The following PALS1 variants were observed in gnomAD, a reference collection of about 807,000 sequenced individuals.
PALS1 encodes protein PALS1.
PALS1 carries 31 observed loss-of-function variants against 78.9 expected under a neutral mutation model. The ratio of observed to expected loss-of-function variants is 0.39; its 90% CI spans 0.30 to 0.53. PALS1 has a LOEUF of 0.53. PALS1 is among the 20% of genes least tolerant of loss of function. The pLI is 0.67. For missense variants in PALS1, 704 were observed against 826.5 expected, an observed-to-expected ratio of 0.85 and a Z score of 1.82; for synonymous variants, 276 against 270.9, an observed-to-expected ratio of 1.02 and a Z score of -0.18.
chr14:67,279,827 C>A (rs539658592), intron 3 of PALS1: 1 of 328,066 alleles, frequency 3.0e-6, no homozygotes, highest in Non-Finnish European at 5.5e-6. Flanking sequence ...CCTTTTATAT[C>A]AAACCACAAA....
chr14:67,335,647 G>A lies in PALS1; in HGVS notation c.*2691G>A, dbSNP rs1290768380. 1 of 152,640 alleles carries A rather than the reference G, an allele frequency of 6.6e-6. No homozygotes were observed. The highest frequency in any genetic ancestry group is 6.5e-5 in the Admixed American group (1 of 15,276). The allele number at this position is 152,640 out of a possible 1,614,324, so 9.5% of individuals were successfully genotyped here. On this transcript the variant is annotated 3_prime_UTR_variant, in exon 15 of 15. Coordinates refer to ENST00000261681, the MANE Select transcript of PALS1 (RefSeq NM_022474.4). ...ATGATTTGAATGTAATTTTGTGAATGTGTGGAAAATATAAAGCAGGGATTT... is the reference window on the plus strand; with the variant it reads ...ATGATTTGAATGTAATTTTGTGAATATGTGGAAAATATAAAGCAGGGATTT...
At chr14:67,256,241 A>G (rs2084143520) in intron 1 of PALS1, among the ~76,000 whole-genome samples, 1 of 151,940 alleles carries the variant, frequency 6.6e-6, no homozygotes, top group Non-Finnish European at 1.5e-5. Flanking sequence ...TAATAACTTT[A>G]TAAACATCTT....
intron 1 of PALS1, among the ~76,000 whole-genome samples, chr14:67,258,613 G>C (rs1326270169): frequency 1.3e-5 from 2 of 152,138 alleles, no homozygotes; most frequent in Non-Finnish European, 2.9e-5. Context: ...GTAGAAATGA[G>C]GTTTCACTAT....
At chr14:67,330,657 C>T (rs1390019336) in intron 14 of PALS1, among the ~76,000 whole-genome samples, 1 of 152,070 alleles carries the variant, frequency 6.6e-6, no homozygotes, top group African/African-American at 2.4e-5. Context: ...GGGGTTTCTC[C>T]ATGTTGGTCA....
intron 4 of PALS1, among the ~76,000 whole-genome samples, chr14:67,293,604 AT>A (rs2084804265): frequency 6.6e-6 from 1 of 152,190 alleles, no homozygotes; most frequent in South Asian, 2.1e-4. Context: ...ATTTCTTAAA[AT>A]TACTTTTCTT....
intron 2 of PALS1, among the ~76,000 whole-genome samples, chr14:67,278,517 T>C (rs1425379758): frequency 6.6e-6 from 1 of 152,222 alleles, no homozygotes; most frequent in Non-Finnish European, 1.5e-5. Flanking sequence ...ATACTGCTTG[T>C]ATTTCAAGTG....
intron 11 of PALS1, among the ~76,000 whole-genome samples, chr14:67,318,196 A>G (rs2085207336): frequency 6.6e-6 from 1 of 152,236 alleles, no homozygotes; most frequent in African/African-American, 2.4e-5. Context: ...TATGTAATTT[A>G]TAAGGCTTTT....
At chr14:67,278,139 C>A (rs1051040380) in intron 2 of PALS1, among the ~76,000 whole-genome samples, 1 of 151,282 alleles carries the variant, frequency 6.6e-6, no homozygotes, top group East Asian at 1.9e-4. Flanking sequence ...CAGGTTCAAG[C>A]GATTCTCCTG....
At chr14:67,267,749 G>A (rs2084351300) in intron 1 of PALS1, among the ~76,000 whole-genome samples, 1 of 152,068 alleles carries the variant, frequency 6.6e-6, no homozygotes, top group African/African-American at 2.4e-5. Context: ...GCCTTTTTCA[G>A]TCAGAATCTG....
intron 2 of PALS1, among the ~76,000 whole-genome samples, chr14:67,273,117 C>A (rs1567513266): frequency 9.8e-5 from 14 of 143,068 alleles, no homozygotes; most frequent in African/African-American, 3.6e-4. Flanking sequence ...ATATTTCTTT[C>A]TTTTTTTTTT....
intron 1 of PALS1, among the ~76,000 whole-genome samples, chr14:67,252,494 C>T (rs1037181338): frequency 6.6e-6 from 1 of 152,076 alleles, no homozygotes; most frequent in African/African-American, 2.4e-5. Context: ...TCATGGGAAC[C>T]CCTGATGAAT....
At position 67,312,683 on chromosome 14, in the gene PALS1, AATCAACC is replaced by A. The variant is rs1293468064; in HGVS notation, c.1199_1205del (p.Asn400IlefsTer2). On this transcript the variant is annotated frameshift_variant, in exon 9 of 15. Coordinates refer to ENST00000261681, the MANE Select transcript of PALS1 (RefSeq NM_022474.4). LOFTEE classifies it high-confidence loss of function. ...GGCCTACAGGGAAGGGGACGAAGAT[AATCAACC>A]TCTAGCCGGGCTTGTTCCAGGTAAG... The A allele has an allele frequency of 6.2e-7, 1 of 1,610,852 alleles. No individual in the cohort carries two copies. Among genetic ancestry groups the A allele is most frequent in the Non-Finnish European group, 8.5e-7 (1 of 1,178,290 alleles).
intron 2 of PALS1, among the ~76,000 whole-genome samples, chr14:67,277,312 A>C (rs2084522203): frequency 6.6e-6 from 1 of 152,172 alleles, no homozygotes; most frequent in Non-Finnish European, 1.5e-5. Context: ...AATTTTAAGC[A>C]AATGTAGTTT....
intron 14 of PALS1, among the ~76,000 whole-genome samples, chr14:67,330,670 C>T (rs1595625029): frequency 6.6e-6 from 1 of 152,240 alleles, no homozygotes; most frequent in East Asian, 1.9e-4. Context: ...GTTGGTCAGG[C>T]TGGTCCCAAA....
chr14:67,250,919 C>T (rs2084054346), intron 1 of PALS1, among the ~76,000 whole-genome samples: 3 of 152,160 alleles, frequency 2.0e-5, no homozygotes, highest in Non-Finnish European at 4.4e-5. Flanking sequence ...GTATCCCTCG[C>T]TGTGTCTCTT....
rs1465737251 is a variant in PALS1 at position 67,302,050 on chromosome 14, A to G, written c.733A>G (p.Ser245Gly). 3.7e-6 allele frequency: 6 copies of G among 1,609,708 alleles called. No homozygotes were observed. The highest frequency in any genetic ancestry group is 1.7e-5 in the Admixed American group (1 of 59,272). ...CATTACAGATGAGAGAGTTTATGAA[A>G]GTATTGGCCAGTATGGAGGAGAAAC... ...EPITDERVYE[S>G]IGQYGGETVK... The change falls in exon 6 of 15, where the codon AGT (serine) becomes GGT (glycine). Residue 245 changes from serine to glycine, a missense_variant. Ser to Gly is a moderately conservative substitution (Grantham distance 56). Transcript: ENST00000261681.
rs543642398 is a variant in PALS1, at chr14:67,241,537, A to G, written c.-237+4A>G. On this transcript the variant is annotated splice_donor_region_variant and intron_variant, in intron 1 of 14. Coordinates refer to ENST00000261681, the MANE Select transcript of PALS1 (RefSeq NM_022474.4). Reference sequence around the variant, plus strand: ...TCCGCGGAGCCGAGGCGTGGAGGTAAGAGGCGGATCGGCGGCGGCTGGGCT... The same window carrying G: ...TCCGCGGAGCCGAGGCGTGGAGGTAGGAGGCGGATCGGCGGCGGCTGGGCT... 6.6e-6 allele frequency: 1 copy of G among 152,480 alleles called. No individual in the cohort carries two copies. The highest frequency in any genetic ancestry group is 6.6e-5 in the Admixed American group (1 of 15,262). The allele number at this position is 152,480 out of a possible 1,614,324, so 9.4% of individuals were successfully genotyped here.
intron 7 of PALS1, 82 bp from the exon 8 acceptor site, chr14:67,303,440 G>A: frequency 8.8e-7 from 1 of 1,139,094 alleles, no homozygotes; most frequent in Non-Finnish European, 1.3e-6. Flanking sequence ...AAATAGTCCA[G>A]TTTAGGGAAT....
At chr14:67,250,936 TTATGCTG>T (rs921657511) in intron 1 of PALS1, among the ~76,000 whole-genome samples, 14 of 152,362 alleles carry the variant, frequency 9.2e-5, no homozygotes, top group Non-Finnish European at 5.9e-5. Context: ...TCTTAATGTG[TTATGCTG>T]TATGCTGTAT....
Sources: gnomAD v4.1 joint callset for allele counts (sites outside exome capture counted in the v4.1 genomes callset) on GRCh38, gnomAD v4.1.1 for gene constraint, MANE v1.5 for transcripts, NCBI Gene and HGNC (gene_info 2026-07-23, HGNC 2026-07-21) for gene names.